Variants in ANK3 observed in about 807,000 individuals in gnomAD.
ANK3 encodes the protein ankyrin-3.
A neutral mutation model predicts 370.9 loss-of-function variants in ANK3; 57 were observed. The observed-to-expected ratio is 0.15, with a 90% CI of 0.12 to 0.19. The LOEUF is 0.19. Among genes scored for constraint, ANK3 ranks in the 10% least tolerant of loss-of-function variants. The pLI is 1.00. For synonymous variants in ANK3, 1,929 were observed against 1,946.3 expected (o/e 0.99, Z 0.23); for missense variants, 4,439 against 5,302.1 (o/e 0.84, Z 5.06).
intron 4 of ANK3, among the ~76,000 whole-genome samples, chr10:60,278,060 A>G (rs75269387): frequency 0.012 from 1,768 of 152,360 alleles, 17 homozygotes; most frequent in Non-Finnish European, 0.019. Context: ...CTATCAAATG[A>G]TAAATGATAA....
At chr10:60,089,659 T>C (rs2087707930) in intron 28 of ANK3, among the ~76,000 whole-genome samples, 1 of 152,114 alleles carries the variant, frequency 6.6e-6, no homozygotes. Flanking sequence ...TTATCTTATA[T>C]GATATTAAGA....
Position 60,071,833 on chromosome 10 carries a change from T to G in ANK3, c.9048A>C (p.Lys3016Asn). 1 of 1,612,994 alleles carries G rather than the reference T, an allele frequency of 6.2e-7. No individual in the cohort carries two copies. Among genetic ancestry groups the G allele is most frequent in the Middle Eastern group, 1.7e-4 (1 of 6,050 alleles). The change falls in exon 37 of 44, where the codon AAA (lysine) becomes AAC (asparagine). Residue 3016 changes from lysine (K) to asparagine (N), a missense_variant. This residue lies in a region of ANK3 where 1,601 missense variants were observed against 1,731.7 expected (regional missense o/e 0.92). Transcript: ENST00000280772. ...TQHFNSIEDE[K>N]VTYSEISKVS... is the part of the protein sequence containing the mutation. Reference sequence around the variant, plus strand: ...CTTTGCTGATTTCTGAATAGGTAACTTTTTCATCTTCTATAGAATTAAAGT... The same window carrying G: ...CTTTGCTGATTTCTGAATAGGTAACGTTTTCATCTTCTATAGAATTAAAGT...
chr10:60,531,791 G>A (rs1449500208), intron 2 of ANK3, among the ~76,000 whole-genome samples: 1 of 152,068 alleles, frequency 6.6e-6, no homozygotes, highest in Non-Finnish European at 1.5e-5. Flanking sequence ...GAGTGCTGAG[G>A]TCCAAGAACC....
chr10:60,548,550 A>G (rs573670554), intron 2 of ANK3, among the ~76,000 whole-genome samples: 1 of 152,168 alleles, frequency 6.6e-6, no homozygotes, highest in East Asian at 1.9e-4. Flanking sequence ...GCACCCGTCC[A>G]TATTTCCCAA....
intron 1 of ANK3, among the ~76,000 whole-genome samples, chr10:60,730,469 T>A (rs1409241696): frequency 2.0e-5 from 3 of 152,190 alleles, no homozygotes; most frequent in African/African-American, 4.8e-5. Context: ...AATAGAACTT[T>A]CAAATTATAA....
chr10:60,144,118 A>C, intron 23 of ANK3: 1 of 355,350 alleles, frequency 2.8e-6, no homozygotes, highest in Non-Finnish European at 5.4e-6. Context: ...ATCTCATAAA[A>C]GATCCCAAGA....
intron 2 of ANK3, among the ~76,000 whole-genome samples, chr10:60,598,784 T>C (rs1404628136): frequency 6.6e-6 from 1 of 152,186 alleles, no homozygotes; most frequent in Non-Finnish European, 1.5e-5. Flanking sequence ...CAATTCATAG[T>C]GAACATTACA....
intron 2 of ANK3, among the ~76,000 whole-genome samples, chr10:60,399,035 A>C (rs1317815176): frequency 1.3e-5 from 2 of 152,210 alleles, no homozygotes; most frequent in Non-Finnish European, 2.9e-5. Flanking sequence ...AGGGCAACAC[A>C]TGGGAATACA....
At position 60,134,483 on chromosome 10, in the gene ANK3, C is replaced by T. The variant is rs550504873; in HGVS notation, c.2739-110G>A. The T allele has an allele frequency of 1.7e-3, 1,240 of 731,548 alleles. 1 individual carries two copies. Among genetic ancestry groups the T allele is most frequent in the Non-Finnish European group, 2.2e-3 (1,032 of 466,924 alleles). The allele number at this position is 731,548 out of a possible 1,614,324, so 45.3% of individuals were successfully genotyped here. A position where few individuals can be genotyped will look rare whatever the true frequency, so the allele number is the denominator to read the frequency against. On this transcript the variant is annotated intron_variant, in intron 24 of 43. Coordinates refer to ENST00000280772, the MANE Select transcript of ANK3 (RefSeq NM_020987.5). ...CAGGCAAGATGGCTAAAAATATCAA[C>T]AAAAGTTGTTCTTGAAAGGACATAG...
chr10:60,448,419 CAT>C (rs1232335090), intron 2 of ANK3, among the ~76,000 whole-genome samples: 1 of 152,204 alleles, frequency 6.6e-6, no homozygotes, highest in East Asian at 1.9e-4. Flanking sequence ...CAGACTGGAA[CAT>C]GTGAGAACTG....
chr10:60,349,308 A>G (rs896363762), intron 1 of ANK3, among the ~76,000 whole-genome samples: 1 of 152,198 alleles, frequency 6.6e-6, no homozygotes, highest in African/African-American at 2.4e-5. Flanking sequence ...TGAATTCTGG[A>G]TTTCATCAAC....
chr10:60,031,723 C>T (rs1023506286), intron 43 of ANK3, among the ~76,000 whole-genome samples: 1 of 152,154 alleles, frequency 6.6e-6, no homozygotes, highest in African/African-American at 2.4e-5. Flanking sequence ...AAGTATCTTC[C>T]TCTTTAGATG....
chr10:60,422,287 A>G (rs2063794928), intron 2 of ANK3, among the ~76,000 whole-genome samples: 1 of 152,128 alleles, frequency 6.6e-6, no homozygotes. Context: ...CCATTAACTT[A>G]TTCATCTATA....
chr10:60,533,285 G>A (rs1363872624), intron 2 of ANK3, among the ~76,000 whole-genome samples: 1 of 152,086 alleles, frequency 6.6e-6, no homozygotes, highest in Non-Finnish European at 1.5e-5. Context: ...CTGGATCTGT[G>A]TGATCCTGAA....
intron 1 of ANK3, among the ~76,000 whole-genome samples, chr10:60,379,780 G>C (rs1283672320): frequency 6.6e-6 from 1 of 152,108 alleles, no homozygotes; most frequent in Non-Finnish European, 1.5e-5. Context: ...TAGATAAGGG[G>C]AGTAAGTTCT....
Position 60,690,996 on chromosome 10 carries a change from C to G in ANK3, c.57+42267G>C, listed in dbSNP as rs150411806. On this transcript the variant is annotated intron_variant, in intron 1 of 43. Coordinates refer to the ANK3 transcript ENST00000373827. ...TTTTAACTCCTGGATTAAACCCATA[C>G]AGATTTTCTTCACCATAAAGAACTC... Among the ~76,000 whole-genome samples, 37 of 152,296 alleles carry G rather than the reference C, an allele frequency of 2.4e-4. 1 individual carries two copies. In the East Asian group the frequency reaches 6.9e-3, roughly 29 times the overall value.
rs375348230 is a variant in ANK3 at position 60,084,846 on chromosome 10, A to G, written c.3846-16T>C. 142 of 1,505,426 alleles carry G rather than the reference A, an allele frequency of 9.4e-5. No individual in the cohort carries two copies. The African/African-American group carries it at 1.5e-3, about 16-fold the overall frequency. The allele number at this position is 1,505,426 out of a possible 1,614,324, so 93.3% of individuals were successfully genotyped here. A position where few individuals can be genotyped will look rare whatever the true frequency, so the allele number is the denominator to read the frequency against. On this transcript the variant is annotated splice_polypyrimidine_tract_variant and intron_variant, in intron 31 of 43. Coordinates refer to ENST00000280772, the MANE Select transcript of ANK3 (RefSeq NM_020987.5). ...AAGCCAAAATCTGAGCAAAACAAAA[A>G]ACAGAAGTATGAAAATGTGGCTATT...
Position 60,714,326 on chromosome 10 carries a change from A to G in ANK3, c.57+18937T>C, listed in dbSNP as rs150696134. Reference sequence around the variant, plus strand: ...ACTTCGACCAAAAATTTGAGAAGAAAATACTAGTTTTCTACAATCTTTTCC... The same window carrying G: ...ACTTCGACCAAAAATTTGAGAAGAAGATACTAGTTTTCTACAATCTTTTCC... On this transcript the variant is annotated intron_variant, in intron 1 of 43. Transcript: ENST00000373827. 3.3e-3 allele frequency among the ~76,000 whole-genome samples: 506 copies of G among 152,322 alleles called. 3 individuals carry two copies. The highest frequency in any genetic ancestry group is 0.012 in the African/African-American group (481 of 41,568).
intron 31 of ANK3, 41 bp from the exon 32 acceptor site, chr10:60,084,871 T>A: frequency 7.1e-7 from 1 of 1,411,036 alleles, no homozygotes; most frequent in Non-Finnish European, 9.5e-7. Flanking sequence ...ATGTGGCTAT[T>A]TAAAAGCCAA....
Sources: gnomAD v4.1 joint callset for allele counts (sites outside exome capture counted in the v4.1 genomes callset) on GRCh38, gnomAD v4.1.1 for gene constraint, gnomAD v4.1.1 regional missense constraint, MANE v1.5 for transcripts, NCBI Gene and HGNC (gene_info 2026-07-23, HGNC 2026-07-21) for gene names.